The following ZBBX variants were observed in gnomAD, a reference collection of about 807,000 sequenced individuals.
ZBBX encodes zinc finger B-box domain containing.
Under a neutral mutation model 108.5 loss-of-function variants are expected in ZBBX, and 101 were observed. That is an observed-to-expected ratio of 0.93 (90% CI 0.79 to 1.10). ZBBX has a LOEUF of 1.10. Ranked by LOEUF, ZBBX falls within the 50% of genes least tolerant of loss-of-function variation. ZBBX has a pLI of 0.00. For missense variants in ZBBX, 1,009 were observed against 941.4 expected, an observed-to-expected ratio of 1.07 and a Z score of -0.94; for synonymous variants, 356 against 323.4, an observed-to-expected ratio of 1.10 and a Z score of -1.08.
At chr3:167,358,792 T>C (rs1744022035) in intron 8 of ZBBX, among the ~76,000 whole-genome samples, 2 of 151,730 alleles carry the variant, frequency 1.3e-5, no homozygotes, top group African/African-American at 4.8e-5. Context: ...AAAAATTAGC[T>C]GGGCGTGGTG....
chr3:167,240,582 C>T lies in ZBBX; in HGVS notation c.*211G>A. On this transcript the variant is annotated 3_prime_UTR_variant, in exon 22 of 22. Coordinates refer to ENST00000675490, the MANE Select transcript of ZBBX (RefSeq NM_001199201.2). ...CACCATATTTTACTAACATAATCTG[C>T]AATATAGATTAGTGGTTGACATATA... The T allele has an allele frequency of 2.4e-6, 1 of 420,494 alleles. No individual in the cohort carries two copies. Among genetic ancestry groups the T allele is most frequent in the Non-Finnish European group, 4.2e-6 (1 of 237,882 alleles). 26.0% of individuals were successfully genotyped at this position (420,494 alleles called of 1,614,324 possible).
In ZBBX at chr3:167,305,896, G is replaced by C; in HGVS notation, c.1472C>G (p.Ser491Cys). Reference sequence around the variant, plus strand: ...GCTTTCCTCAATTTTTTCAATGTCAGAAGAATACACATCAGGATCCACGAT... The same window carrying C: ...GCTTTCCTCAATTTTTTCAATGTCACAAGAATACACATCAGGATCCACGAT... ...DNIVDPDVYS[S>C]DIEKIEESTS... The change falls in exon 17 of 22, where the codon TCT becomes TGT. Residue 491 changes from serine (S) to cysteine (C), a missense_variant. Physicochemically the swap from Ser to Cys is moderately radical, Grantham distance 112. Transcript: ENST00000675490. The C allele has an allele frequency of 6.2e-7, 1 of 1,606,140 alleles. No homozygotes were observed. The highest frequency in any genetic ancestry group is 8.5e-7 in the Non-Finnish European group (1 of 1,177,136).
At chr3:167,330,244 A>G (rs937995021) in intron 10 of ZBBX, among the ~76,000 whole-genome samples, 2 of 152,234 alleles carry the variant, frequency 1.3e-5, no homozygotes, top group African/African-American at 4.8e-5. Context: ...TAGAGAAAAC[A>G]TATTAACGTT....
intron 20 of ZBBX, among the ~76,000 whole-genome samples, chr3:167,279,238 C>T (rs1396718232): frequency 2.0e-5 from 3 of 152,098 alleles, no homozygotes; most frequent in African/African-American, 4.8e-5. Flanking sequence ...TGTTGGAAGT[C>T]CTGGCCAGGG....
chr3:167,268,094 A>G (rs530376672), intron 20 of ZBBX, among the ~76,000 whole-genome samples: 3 of 152,162 alleles, frequency 2.0e-5, no homozygotes, highest in South Asian at 4.2e-4. Context: ...ATTTCCCTCC[A>G]CATCTATGGA....
At chr3:167,294,799 G>A (rs115185010) in intron 18 of ZBBX, among the ~76,000 whole-genome samples, 2 of 151,904 alleles carry the variant, frequency 1.3e-5, no homozygotes, top group Non-Finnish European at 2.9e-5. Context: ...CCATCCATTG[G>A]ACAAAGGGCT....
At chr3:167,352,862 T>A (rs1015847152) in intron 8 of ZBBX, among the ~76,000 whole-genome samples, 2 of 151,846 alleles carry the variant, frequency 1.3e-5, no homozygotes, top group African/African-American at 4.8e-5. Flanking sequence ...ATAAATAGAA[T>A]AAAAACAAAA....
chr3:167,305,296 T>C (rs935960112), intron 17 of ZBBX, among the ~76,000 whole-genome samples: 1 of 152,242 alleles, frequency 6.6e-6, no homozygotes, highest in South Asian at 2.1e-4. Context: ...GACTATATTA[T>C]CGGAAAAAAC....
intron 20 of ZBBX, among the ~76,000 whole-genome samples, chr3:167,278,780 G>A (rs1000169035): frequency 5.3e-5 from 8 of 149,680 alleles, no homozygotes; most frequent in Admixed American, 1.3e-4. Flanking sequence ...TACCAAAGCC[G>A]GGCAGAGACA....
intron 20 of ZBBX, among the ~76,000 whole-genome samples, chr3:167,259,906 T>C (rs1412700755): frequency 2.0e-5 from 3 of 152,184 alleles, no homozygotes; most frequent in African/African-American, 7.2e-5. Flanking sequence ...CTTTTTAACT[T>C]GTATTTTTGT....
chr3:167,264,140 G>A (rs1186437410), intron 20 of ZBBX, among the ~76,000 whole-genome samples: 1 of 152,038 alleles, frequency 6.6e-6, no homozygotes, highest in Non-Finnish European at 1.5e-5. Context: ...CACATCATTG[G>A]GCTTTATTTT....
intron 18 of ZBBX, among the ~76,000 whole-genome samples, chr3:167,292,988 A>T (rs1004690630): frequency 3.5e-4 from 53 of 152,334 alleles, no homozygotes; most frequent in African/African-American, 1.2e-3. Flanking sequence ...CACCCTCCCA[A>T]GATTAAACCA....
At position 167,323,218 on chromosome 3, in the gene ZBBX, C is replaced by A. The variant is rs145584535; in HGVS notation, c.863-981G>T. Among the ~76,000 whole-genome samples, 905 of 108,010 alleles carry A rather than the reference C, an allele frequency of 8.4e-3. 7 individuals carry two copies. The highest frequency in any genetic ancestry group is 0.03 in the African/African-American group (808 of 27,354). The allele number at this position is 108,010 out of a possible 152,430, so 70.9% of individuals were successfully genotyped here. On this transcript the variant is annotated intron_variant, in intron 11 of 21. Transcript: ENST00000675490. The stretch of plus-strand genomic sequence containing the variant: ...CCCTTTTCATTTTGAAACAAGATTT[C>A]TTGACAGGAGAGCTAAAAGAGGGGG...
chr3:167,209,289 G>C, the ZBBX span, among the ~76,000 whole-genome samples: 1 of 152,076 alleles, frequency 6.6e-6, no homozygotes, highest in Non-Finnish European at 1.5e-5. Flanking sequence ...GTGAGATGCA[G>C]TGCTGTGCTG....
At chr3:167,225,223 C>T in the ZBBX span, among the ~76,000 whole-genome samples, 8 of 152,016 alleles carry the variant, frequency 5.3e-5, no homozygotes, top group African/African-American at 1.2e-4. Flanking sequence ...CCACTAGACA[C>T]GTGTTTACTG....
At chr3:167,375,060 C>T (rs1746733977) in intron 2 of ZBBX, among the ~76,000 whole-genome samples, 1 of 152,066 alleles carries the variant, frequency 6.6e-6, no homozygotes, top group Non-Finnish European at 1.5e-5. Flanking sequence ...CTGTAGCTAA[C>T]AAGAGTCTAA....
chr3:167,250,264 A>G (rs2108354148), intron 20 of ZBBX, among the ~76,000 whole-genome samples: 1 of 152,262 alleles, frequency 6.6e-6, no homozygotes, highest in Admixed American at 6.5e-5. Context: ...AACAGACAAA[A>G]GCTTTGATGA....
At chr3:167,234,984 T>C (rs564174149), downstream of ZBBX, among the ~76,000 whole-genome samples, 21 of 151,806 alleles carry the variant, frequency 1.4e-4, no homozygotes, top group African/African-American at 5.1e-4. Context: ...ACAAAACAAA[T>C]TTACAGTGAG....
At chr3:167,308,962 G>C (rs965922965) in intron 16 of ZBBX, among the ~76,000 whole-genome samples, 2 of 152,006 alleles carry the variant, frequency 1.3e-5, no homozygotes, top group South Asian at 2.1e-4. Context: ...TTAAAAAAAG[G>C]CATGCCTACC....
Sources: gnomAD v4.1 joint callset for allele counts (sites outside exome capture counted in the v4.1 genomes callset) on GRCh38, gnomAD v4.1.1 for gene constraint, MANE v1.5 for transcripts, NCBI Gene and HGNC (gene_info 2026-07-23, HGNC 2026-07-21) for gene names.